Variants in PTOV1 observed in about 807,000 individuals in gnomAD.
PTOV1 encodes the protein PTOV1 extended AT-hook containing adaptor protein, also known as prostate tumor-overexpressed gene 1 protein.
Under a neutral mutation model 58.0 loss-of-function variants are expected in PTOV1, and 20 were observed. The observed-to-expected ratio is 0.34, with a 90% CI of 0.24 to 0.50. The LOEUF (loss-of-function observed/expected upper bound fraction) is 0.50. Among genes scored for constraint, PTOV1 ranks in the 20% least tolerant of loss-of-function variants. The pLI, the probability that PTOV1 is intolerant of heterozygous loss-of-function variation, is 0.98. For missense variants in PTOV1, 593 were observed against 565.4 expected, an observed-to-expected ratio of 1.05 and a Z score of -0.50; for synonymous variants, 335 against 234.2, an observed-to-expected ratio of 1.43 and a Z score of -3.93.
chr19:49,860,590 C>G (rs1045170941), exon 12 of PTOV1: 1 of 534,384 alleles, frequency 1.9e-6, no homozygotes, highest in Non-Finnish European at 3.3e-6. Context: ...TGGCCAGCAG[C>G]CCCCACTGCA....
At chr19:49,858,625 G>C (rs148145804) in exon 10 of PTOV1, 5 of 1,603,224 alleles carry the variant, frequency 3.1e-6, no homozygotes. Flanking sequence ...ACACTGAAGA[G>C]CCTGTGCCGG....
intron 10 of PTOV1, among the ~76,000 whole-genome samples, chr19:49,859,572 C>CAAAA (rs113785990): frequency 7.8e-6 from 1 of 127,702 alleles, no homozygotes; most frequent in African/African-American, 2.9e-5. Flanking sequence ...AACTCAGTCT[C>CAAAA]AAAAAAAAAA....
Position 49,856,971 on chromosome 19 carries a change from G to T in PTOV1, c.559-4G>T. On this transcript the variant is annotated splice_region_variant and splice_polypyrimidine_tract_variant and intron_variant, in intron 5 of 11. Coordinates refer to ENST00000391842, the Ensembl canonical transcript of PTOV1. ...CACAGGGTCCTGACCCGCGGCCCCC[G>T]CAGGCGGGCTGCATGCTGTTCCCCC... 6.2e-7 allele frequency: 1 copy of T among 1,612,396 alleles called. No homozygotes were observed. The highest frequency in any genetic ancestry group is 1.1e-5 in the South Asian group (1 of 91,010).
chr19:49,851,072 G>T (rs900794905), upstream of PTOV1: 2 of 1,466,084 alleles, frequency 1.4e-6, no homozygotes, highest in African/African-American at 2.9e-5. Flanking sequence ...CTCCCGCCCG[G>T]GCCCCGCTCC....
chr19:49,854,684 G>C, exon 3 of PTOV1: 1 of 1,613,478 alleles, frequency 6.2e-7, no homozygotes, highest in South Asian at 1.1e-5. Context: ...CCACTGCAAA[G>C]CTGAAGCGGA....
chr19:49,851,199 C>T (rs1444585606), exon 1 of PTOV1: 1 of 1,210,194 alleles, frequency 8.3e-7, no homozygotes, highest in Non-Finnish European at 1.0e-6. Flanking sequence ...CGGCGCGTCC[C>T]CCGAGCTTGG....
rs201008050 is a variant in PTOV1, at chr19:49,854,937, G to C, written c.451-33G>C. 695 of 1,487,808 alleles carry C rather than the reference G, an allele frequency of 4.7e-4. 1 individual carries two copies. The African/African-American group carries it at 8.9e-3, about 19-fold the overall frequency. The allele number at this position is 1,487,808 out of a possible 1,614,324, so 92.2% of individuals were successfully genotyped here. ...ATCCACTCTGAGCACCCCCATGCCT[G>C]GCTGACCCAGCTGTCTGTCCTGTCG... is the stretch of plus-strand genomic sequence containing the variant. On this transcript the variant is annotated intron_variant, in intron 4 of 11. Transcript: ENST00000391842.
chr19:49,852,007 T>G (rs1412481080), intron 1 of PTOV1: 9 of 985,372 alleles, frequency 9.1e-6, no homozygotes, highest in Non-Finnish European at 9.6e-6. Context: ...CGCCCACATG[T>G]GGGATGCTTT....
exon 6 of PTOV1, chr19:49,857,086 G>A (rs773960890): frequency 5.5e-5 from 88 of 1,613,972 alleles, no homozygotes; most frequent in Non-Finnish European, 7.3e-5. Flanking sequence ...CGACCAGAGC[G>A]GCTTCGTCAG....
At chr19:49,852,093 C>T (rs1189875565) in intron 1 of PTOV1, 32 of 984,118 alleles carry the variant, frequency 3.3e-5, no homozygotes, top group Non-Finnish European at 3.9e-5. Context: ...CACGCTTCTC[C>T]GGACCCAAAA....
chr19:49,858,712 G>A (rs927010896), intron 10 of PTOV1, 59 bp downstream of exon 10: 51 of 1,372,476 alleles, frequency 3.7e-5, no homozygotes, highest in Admixed American at 1.2e-4. Flanking sequence ...AGCCCGGACC[G>A]CTCACGGGGG....
At chr19:49,855,488 T>C (rs900851221) in intron 5 of PTOV1, 5 of 240,356 alleles carry the variant, frequency 2.1e-5, no homozygotes, top group Non-Finnish European at 4.2e-5. Context: ...TAAAATGGGC[T>C]AACCTCCCCG....
At chr19:49,856,771 C>T (rs971681790) in intron 5 of PTOV1, 4 of 609,468 alleles carry the variant, frequency 6.6e-6, no homozygotes, top group African/African-American at 3.7e-5. Context: ...GCCACTCTGA[C>T]CTCAGCCATG....
chr19:49,856,790 G>A (rs1293842610), intron 5 of PTOV1, 185 bp from the exon 6 acceptor site: 7 of 681,096 alleles, frequency 1.0e-5, no homozygotes, highest in Non-Finnish European at 1.4e-5. Flanking sequence ...TGGCAGGGTC[G>A]GGGGATGCCG....
At chr19:49,856,657 G>A in intron 5 of PTOV1, 1 of 368,480 alleles carries the variant, frequency 2.7e-6, no homozygotes, top group East Asian at 5.3e-5. Flanking sequence ...TTAACCCCCA[G>A]GCCAAGTCAC....
intron 9 of PTOV1, 75 bp from the exon 10 acceptor site, chr19:49,858,474 G>C: frequency 8.1e-7 from 1 of 1,236,340 alleles, no homozygotes; most frequent in Non-Finnish European, 1.1e-6. Context: ...CTGGGCCCGG[G>C]GGACTCAGCG....
intron 6 of PTOV1, 72 bp downstream of exon 6, chr19:49,857,202 G>C: frequency 3.2e-6 from 5 of 1,575,238 alleles, no homozygotes; most frequent in Non-Finnish European, 3.5e-6. Context: ...TGGGCAGCCA[G>C]ACTTGGTGTG....
intron 5 of PTOV1, 51 bp from the exon 6 acceptor site, chr19:49,856,924 C>T (rs756153159): frequency 1.4e-5 from 23 of 1,603,420 alleles, no homozygotes; most frequent in Non-Finnish European, 2.0e-5. Context: ...GTGGTGGGGG[C>T]ACAGTGGCCC....
exon 9 of PTOV1, chr19:49,858,063 C>T (rs146945099): frequency 6.1e-5 from 99 of 1,614,020 alleles, no homozygotes; most frequent in Middle Eastern, 3.3e-4. Flanking sequence ...ACAGGAGGAC[C>T]GAGCAGTGGC....
Sources: gnomAD v4.1 joint callset for allele counts (sites outside exome capture counted in the v4.1 genomes callset) on GRCh38, gnomAD v4.1.1 for gene constraint, MANE v1.5 for transcripts, NCBI Gene and HGNC (gene_info 2026-07-23, HGNC 2026-07-21) for gene names.